Variants in RPH3A observed in about 807,000 individuals in gnomAD.
RPH3A encodes rabphilin-3A.
Under a neutral mutation model 102.2 loss-of-function variants are expected in RPH3A, and 48 were observed. The observed-to-expected ratio is 0.47, with a 90% CI of 0.37 to 0.60. The LOEUF is 0.60. Ranked by LOEUF, RPH3A falls within the 20% of genes least tolerant of loss-of-function variation. RPH3A has a pLI of 0.00. For missense variants in RPH3A, 781 were observed against 910.1 expected (o/e 0.86, Z 1.83); for synonymous variants, 310 against 324.3 (o/e 0.96, Z 0.47).
intron 1 of RPH3A, among the ~76,000 whole-genome samples, chr12:112,657,051 T>C (rs1399159559): frequency 6.6e-6 from 1 of 152,162 alleles, no homozygotes; most frequent in Non-Finnish European, 1.5e-5. Context: ...GTTGTTCTAA[T>C]TTACATTCCT....
chr12:112,590,190 A>G (rs189414929), intron 1 of RPH3A, among the ~76,000 whole-genome samples: 1 of 152,112 alleles, frequency 6.6e-6, no homozygotes, highest in Non-Finnish European at 1.5e-5. Context: ...TTCTTCTTCT[A>G]TGATTTTTAC....
intron 1 of RPH3A, among the ~76,000 whole-genome samples, chr12:112,751,480 A>C (rs988378445): frequency 6.6e-6 from 1 of 152,196 alleles, no homozygotes; most frequent in Non-Finnish European, 1.5e-5. Context: ...TATTGTTCAG[A>C]GGTAAAGGAG....
intron 1 of RPH3A, among the ~76,000 whole-genome samples, chr12:112,633,212 C>G (rs959926672): frequency 6.6e-6 from 1 of 152,006 alleles, no homozygotes; most frequent in African/African-American, 2.4e-5. Flanking sequence ...AAAACAACAA[C>G]AAGAAACAAA....
chr12:112,586,042 C>T (rs555459298), intron 1 of RPH3A, among the ~76,000 whole-genome samples: 2 of 152,162 alleles, frequency 1.3e-5, no homozygotes, highest in East Asian at 3.9e-4. Context: ...GATTACTTTT[C>T]ATATGTAAAA....
chr12:112,877,403 T>TACACACACACACGTATACACACACACAC (rs2042822741), intron 13 of RPH3A, among the ~76,000 whole-genome samples: 1 of 140,728 alleles, frequency 7.1e-6, no homozygotes, highest in African/African-American at 2.7e-5. Flanking sequence ...CACACACGTA[T>TACACACACACACGTATACACACACACAC]ACACACACAC....
intron 1 of RPH3A, among the ~76,000 whole-genome samples, chr12:112,739,281 A>C (rs976152230): frequency 1.1e-4 from 17 of 152,128 alleles, no homozygotes; most frequent in Admixed American, 3.9e-4. Flanking sequence ...TTTTTTTTGA[A>C]CACCTGCATG....
chr12:112,723,602 T>C (rs1278372410), intron 1 of RPH3A, among the ~76,000 whole-genome samples: 3 of 152,168 alleles, frequency 2.0e-5, no homozygotes, highest in Non-Finnish European at 2.9e-5. Context: ...TCCCATGGAG[T>C]TATTCAAGGT....
rs764932763 is a variant in RPH3A, at chr12:112,887,788, T to C, written c.1437-9T>C. The C allele has an allele frequency of 3.1e-6, 5 of 1,613,128 alleles. No individual in the cohort carries two copies. In the Admixed American group the frequency reaches 8.3e-5, roughly 27 times the overall value. On this transcript the variant is annotated splice_polypyrimidine_tract_variant and intron_variant, in intron 16 of 21. Transcript: ENST00000389385. ...TGTTTCTCTCTCTACCCCCTTGTGT[T>C]GGTGGCAGGATCTCCGTCTGTGATG...
At chr12:112,719,477 A>G (rs2040537138) in intron 1 of RPH3A, among the ~76,000 whole-genome samples, 1 of 152,202 alleles carries the variant, frequency 6.6e-6, no homozygotes, top group African/African-American at 2.4e-5. Context: ...TGACATTTTG[A>G]GAGCACCATT....
chr12:112,674,602 G>A (rs2136011607), intron 1 of RPH3A, among the ~76,000 whole-genome samples: 1 of 152,244 alleles, frequency 6.6e-6, no homozygotes, highest in Middle Eastern at 3.4e-3. Context: ...AGGAGAGAGG[G>A]ATTGTTTTGA....
At chr12:112,673,231 C>T (rs527631866) in intron 1 of RPH3A, among the ~76,000 whole-genome samples, 3 of 152,268 alleles carry the variant, frequency 2.0e-5, no homozygotes, top group Non-Finnish European at 4.4e-5. Flanking sequence ...TTGTTCTCTC[C>T]TTTGAGCCTC....
chr12:112,827,092 T>C (rs7967320), intron 2 of RPH3A, among the ~76,000 whole-genome samples: 52,577 of 151,978 alleles, frequency 0.35, 9,582 homozygotes, highest in East Asian at 0.72. Flanking sequence ...ACAGATAATA[T>C]AATTCACCCA....
At chr12:112,871,680 T>C (rs899194542) in intron 10 of RPH3A, among the ~76,000 whole-genome samples, 7 of 151,196 alleles carry the variant, frequency 4.6e-5, no homozygotes, top group African/African-American at 1.7e-4. Flanking sequence ...ATACACAATA[T>C]TCTATTGTGT....
chr12:112,717,060 T>C (rs1285041435), intron 1 of RPH3A, among the ~76,000 whole-genome samples: 1 of 152,238 alleles, frequency 6.6e-6, no homozygotes, highest in Non-Finnish European at 1.5e-5. Context: ...TAACGGCCTA[T>C]AACATAGCCC....
intron 5 of RPH3A, among the ~76,000 whole-genome samples, chr12:112,864,036 T>A (rs1307418060): frequency 6.6e-6 from 1 of 152,178 alleles, no homozygotes; most frequent in Non-Finnish European, 1.5e-5. Context: ...CAGCTAATTA[T>A]TTAATGCAGA....
At chr12:112,861,133 A>G (rs1171216618) in intron 5 of RPH3A, among the ~76,000 whole-genome samples, 2 of 152,222 alleles carry the variant, frequency 1.3e-5, no homozygotes, top group African/African-American at 4.8e-5. Context: ...ATGCTGCCAC[A>G]GAGGTTGGCC....
At position 112,869,555 on chromosome 12, in the gene RPH3A, G is replaced by A. The variant is rs548314317; in HGVS notation, c.611-204G>A. 2.7e-4 allele frequency: 159 copies of A among 593,218 alleles called. 1 individual carries two copies. Among genetic ancestry groups the A allele is most frequent in the African/African-American group, 2.2e-3 (119 of 53,854 alleles). 36.7% of individuals were successfully genotyped at this position (593,218 alleles called of 1,614,324 possible). A position where few individuals can be genotyped will look rare whatever the true frequency, so the allele number is the denominator to read the frequency against. ...ATTGTTCTTTATAAAGCCTGTGTAT[G>A]CTCATATGTGTTTGTGCATGCAAAA... is the stretch of plus-strand genomic sequence containing the variant. On this transcript the variant is annotated intron_variant, in intron 8 of 21. Coordinates refer to ENST00000389385, the MANE Select transcript of RPH3A (RefSeq NM_001143854.2).
Position 112,749,891 on chromosome 12 carries a change from G to GT in RPH3A, c.-139-42244dup, listed in dbSNP as rs200651061. ...ATTAGAGTTCTCTCTTTTTGTTTTT[G>GT]TTTTTTTTGTTTTTGAAGGAACCTC... On this transcript the variant is annotated intron_variant, in intron 1 of 21. Transcript: ENST00000543106. 4.2e-3 allele frequency among the ~76,000 whole-genome samples: 633 copies of GT among 151,862 alleles called. 4 individuals carry two copies. The highest frequency in any genetic ancestry group is 0.012 in the East Asian group (61 of 5,176).
intron 14 of RPH3A, among the ~76,000 whole-genome samples, chr12:112,880,904 G>A (rs2042897788): frequency 6.6e-6 from 1 of 152,248 alleles, no homozygotes; most frequent in South Asian, 2.1e-4. Context: ...TTCATTAAGT[G>A]GAAGTGGATC....
Sources: allele counts gnomAD v4.1 joint callset (sites outside exome capture counted in the v4.1 genomes callset), GRCh38; gene constraint gnomAD v4.1.1; transcripts MANE v1.5; gene names NCBI Gene and HGNC (gene_info 2026-07-23, HGNC 2026-07-21).